ATAD3B: variants seen among roughly 807,000 people sequenced by gnomAD.
ATAD3B encodes the protein ATPase family AAA domain containing 3B.
In ATAD3B, 59 loss-of-function variants were observed where a neutral mutation model predicts 70.2. The observed-to-expected ratio is 0.84, with a 90% CI of 0.68 to 1.04. The LOEUF (loss-of-function observed/expected upper bound fraction) is 1.04, where lower values mean the gene tolerates loss of function less well. Ranked by LOEUF, ATAD3B falls within the 50% of genes least tolerant of loss-of-function variation. The probability of loss-of-function intolerance (pLI) is 0.00; values close to 1 mark genes in which losing one functional copy is unlikely to be tolerated. For synonymous variants in ATAD3B, 423 were observed against 388.6 expected (o/e 1.09, Z -1.04); for missense variants, 961 against 913.4 (o/e 1.05, Z -0.67).
intron 7 of ATAD3B, 171 bp from the exon 8 acceptor site, chr1:1,484,845 A>T (rs1640114136): frequency 7.1e-7 from 1 of 1,405,220 alleles, no homozygotes; most frequent in South Asian, 1.5e-5. Context: ...GCCTCCTGTA[A>T]CCGCGTGGCT....
Position 1,482,623 on chromosome 1 carries a change from A to C in ATAD3B, c.750+9A>C, listed in dbSNP as rs1197534828. 1.9e-6 allele frequency: 3 copies of C among 1,613,078 alleles called. No homozygotes were observed. The highest frequency in any genetic ancestry group is 3.3e-5 in the Admixed American group (2 of 59,924). ...ACAAAGTGACAGCCACGGTAAACAT[A>C]TTCATAAAACAGGGCTGGCAGGTGG... On this transcript the variant is annotated intron_variant, in intron 7 of 15. Coordinates refer to ENST00000673477, the MANE Select transcript of ATAD3B (RefSeq NM_031921.6).
In ATAD3B at chr1:1,477,300, G is replaced by T; in HGVS notation, c.232G>T (p.Ala78Ser). The change falls in exon 2 of 16, where the codon GCG becomes TCG. Residue 78 changes from alanine to serine, a missense_variant. Physicochemically the swap from Ala to Ser is moderately conservative, Grantham distance 99 (BLOSUM62 1). Around this residue, in one of 4 missense-constraint regions of ATAD3B, gnomAD observed 187 missense variants for 244.3 expected, o/e 0.77. Coordinates refer to ENST00000673477, the MANE Select transcript of ATAD3B (RefSeq NM_031921.6). ...SRYAKEALNL[A>S]QMQEQTLQLE... ...TTACGCCAAGGAGGCCCTGAATCTGGCGCAGATGCAGGAGCAGACGCTGCA... is the reference window on the plus strand; with the variant it reads ...TTACGCCAAGGAGGCCCTGAATCTGTCGCAGATGCAGGAGCAGACGCTGCA... The T allele has an allele frequency of 6.2e-7, 1 of 1,612,440 alleles. No homozygotes were observed. Among genetic ancestry groups the T allele is most frequent in the Non-Finnish European group, 8.5e-7 (1 of 1,179,710 alleles).
intron 15 of ATAD3B, among the ~76,000 whole-genome samples, chr1:1,491,881 T>C (rs569176602): frequency 6.6e-6 from 1 of 151,924 alleles, no homozygotes. Flanking sequence ...CAGGTCTGTT[T>C]CCACAACTCA....
At chr1:1,492,495 TA>T (rs1306034654) in intron 15 of ATAD3B, among the ~76,000 whole-genome samples, 4 of 149,260 alleles carry the variant, frequency 2.7e-5, no homozygotes, top group Non-Finnish European at 5.9e-5. Flanking sequence ...AAAATAATAA[TA>T]AGAAGAATAA....
intron 1 of ATAD3B, among the ~76,000 whole-genome samples, chr1:1,476,656 C>A (rs1353017397): frequency 3.3e-5 from 5 of 151,064 alleles, no homozygotes; most frequent in Non-Finnish European, 5.9e-5. Flanking sequence ...CTACAAGTGC[C>A]CGCCGCCACG....
chr1:1,504,172 G>C, the ATAD3B span, among the ~76,000 whole-genome samples: 43 of 151,700 alleles, frequency 2.8e-4, no homozygotes, highest in African/African-American at 9.7e-4. Flanking sequence ...ATTTTTAGTA[G>C]AGACGGGTTC....
rs1553121520 is a variant in ATAD3B, at chr1:1,497,101, A to ACGGTCCCATCGGAGAG, written c.*1286_*1301dup. On this transcript the variant is annotated 3_prime_UTR_variant, in exon 16 of 16. Coordinates refer to ENST00000673477, the MANE Select transcript of ATAD3B (RefSeq NM_031921.6). ...AACAGAAGAGGAGCCTGGGCACGCAACGGTCCCATCGGAGAGCAGACCCCT... is the reference window on the plus strand; with the variant it reads ...AACAGAAGAGGAGCCTGGGCACGCAACGGTCCCATCGGAGAGCGGTCCCATCGGAGAGCAGACCCCT... 1.3e-5 allele frequency: 2 copies of ACGGTCCCATCGGAGAG among 151,870 alleles called. No homozygotes were observed. The highest frequency in any genetic ancestry group is 3.9e-4 in the East Asian group (2 of 5,160). The allele number at this position is 151,870 out of a possible 1,614,324, so 9.4% of individuals were successfully genotyped here.
At chr1:1,476,709 T>C (rs1159164379) in intron 1 of ATAD3B, among the ~76,000 whole-genome samples, 1 of 151,724 alleles carries the variant, frequency 6.6e-6, no homozygotes, top group Non-Finnish European at 1.5e-5. Context: ...GGGGTTTCAC[T>C]GTGTTAACCA....
intron 1 of ATAD3B, among the ~76,000 whole-genome samples, chr1:1,472,738 A>G (rs1334457014): frequency 6.6e-6 from 1 of 152,062 alleles, no homozygotes; most frequent in Non-Finnish European, 1.5e-5. Flanking sequence ...TTGTAGCACG[A>G]TGCAGTTCAA....
Position 1,486,200 on chromosome 1 carries a change from G to A in ATAD3B, c.1054G>A (p.Gly352Arg), listed in dbSNP as rs1640207406. Residue 352 changes from glycine (G) to arginine (R), a missense_variant, in exon 10 of 16, where the codon GGG (glycine) becomes AGG (arginine). Around this residue, in one of 4 missense-constraint regions of ATAD3B, gnomAD observed 349 missense variants for 307.5 expected, o/e 1.14. Transcript: ENST00000673477. ...RGLYRHILLY[G>R]PPGTGKTLFA... ...CCTGTACAGGCACATCCTGCTGTAT[G>A]GGCCACCAGGCACCGGGAAGACGCT... 2.5e-6 allele frequency: 4 copies of A among 1,613,128 alleles called. No homozygotes were observed. Among genetic ancestry groups the A allele is most frequent in the African/African-American group, 1.3e-5 (1 of 75,004 alleles).
chr1:1,507,210 T>G, the ATAD3B span, among the ~76,000 whole-genome samples: 1 of 152,118 alleles, frequency 6.6e-6, no homozygotes, highest in Admixed American at 6.6e-5. Flanking sequence ...CAACTTCCAG[T>G]GGTATGTGGA....
downstream of ATAD3B, among the ~76,000 whole-genome samples, chr1:1,502,220 CT>C (rs377727458): frequency 0.012 from 1,770 of 142,582 alleles, 15 homozygotes; most frequent in Admixed American, 0.014. Flanking sequence ...TTTTCTCTCT[CT>C]TTTTTTTTTT....
chr1:1,504,034 C>T, the ATAD3B span, among the ~76,000 whole-genome samples: 1 of 152,004 alleles, frequency 6.6e-6, no homozygotes, highest in Non-Finnish European at 1.5e-5. Context: ...GTTGCCCGGG[C>T]TTGAGTGTCG....
At position 1,480,102 on chromosome 1, in the gene ATAD3B, AAC is replaced by A. The variant is rs535001564; in HGVS notation, c.445-756_445-755del. Among the ~76,000 whole-genome samples the A allele has an allele frequency of 5.7e-4, 80 of 140,356 alleles. 8 individuals carry two copies. Among genetic ancestry groups the A allele is most frequent in the Middle Eastern group, 7.7e-3 (2 of 260 alleles). 92.1% of individuals were successfully genotyped at this position (140,356 alleles called of 152,430 possible). ...ATGGGCACACGCGCACACCGCCGCAAACACACACACGGGCACGTGTACGCACC... is the reference window on the plus strand; with the variant it reads ...ATGGGCACACGCGCACACCGCCGCAAACACACACGGGCACGTGTACGCACC... On this transcript the variant is annotated intron_variant, in intron 4 of 15. Coordinates refer to ENST00000673477, the MANE Select transcript of ATAD3B (RefSeq NM_031921.6).
chr1:1,485,557 G>A (rs551175727), intron 8 of ATAD3B, among the ~76,000 whole-genome samples: 126 of 152,216 alleles, frequency 8.3e-4, no homozygotes, highest in Non-Finnish European at 1.4e-3. Flanking sequence ...AGGTCACTGG[G>A]TAGGTGGTTA....
downstream of ATAD3B, among the ~76,000 whole-genome samples, chr1:1,499,279 CTTTTT>C (rs752359726): frequency 2.6e-5 from 3 of 113,832 alleles, no homozygotes; most frequent in East Asian, 2.5e-4. Context: ...CCTGGAATAC[CTTTTT>C]TTTTTTTTTT....
intron 12 of ATAD3B, among the ~76,000 whole-genome samples, chr1:1,488,951 T>G (rs1349368924): frequency 2.0e-5 from 3 of 151,832 alleles, no homozygotes. Flanking sequence ...CTAGTACAGA[T>G]GGGGTCTCAC....
intron 11 of ATAD3B, among the ~76,000 whole-genome samples, chr1:1,486,920 G>A (rs1640251489): frequency 6.6e-6 from 1 of 150,910 alleles, no homozygotes; most frequent in Admixed American, 6.6e-5. Flanking sequence ...AGGTGGGTGG[G>A]TGCAGGGGGA....
chr1:1,484,753 C>T (rs1640109630), intron 7 of ATAD3B: 1 of 970,636 alleles, frequency 1.0e-6, no homozygotes, highest in Non-Finnish European at 1.5e-6. Flanking sequence ...GGGCCCCGCT[C>T]AGCGACCGAG....
Sources: gnomAD v4.1 joint callset for allele counts (sites outside exome capture counted in the v4.1 genomes callset) on GRCh38, gnomAD v4.1.1 for gene constraint, gnomAD v4.1.1 regional missense constraint, MANE v1.5 for transcripts, NCBI Gene and HGNC (gene_info 2026-07-23, HGNC 2026-07-21) for gene names.